FRAS1: variants seen among roughly 807,000 people sequenced by gnomAD.
FRAS1 encodes Fraser extracellular matrix complex subunit 1, also known as extracellular matrix organizing protein FRAS1.
FRAS1 carries 290 observed loss-of-function variants against 435.2 expected under a neutral mutation model. The ratio of observed to expected loss-of-function variants is 0.67; its 90% CI spans 0.61 to 0.73. The LOEUF (loss-of-function observed/expected upper bound fraction) is 0.73, where lower values mean the gene tolerates loss of function less well. Ranked by LOEUF, FRAS1 falls within the 30% of genes least tolerant of loss-of-function variation. FRAS1 has a pLI of 0.00. For synonymous variants in FRAS1, 1,800 were observed against 1,851.0 expected (o/e 0.97, Z 0.71); for missense variants, 4,860 against 5,001.5 (o/e 0.97, Z 0.85).
At chr4:78,534,706 CTCT>C in intron 71 of FRAS1, 91 bp downstream of exon 71, 1 of 1,168,108 alleles carries the variant, frequency 8.6e-7, no homozygotes, top group Non-Finnish European at 1.2e-6. Context: ...TGCTCATATG[CTCT>C]CAGTCACCAC....
intron 30 of FRAS1, among the ~76,000 whole-genome samples, chr4:78,403,431 C>T (rs1216089064): frequency 7.9e-4 from 121 of 152,214 alleles, no homozygotes; most frequent in East Asian, 1.9e-4. Context: ...AATCAAATCA[C>T]GTTACCTAGA....
intron 47 of FRAS1, among the ~76,000 whole-genome samples, chr4:78,458,526 A>G (rs1250101759): frequency 6.6e-6 from 1 of 152,166 alleles, no homozygotes; most frequent in African/African-American, 2.4e-5. Context: ...GCTTGGACAT[A>G]GAGATGGGAA....
chr4:78,295,379 G>A (rs1037933695), intron 14 of FRAS1, among the ~76,000 whole-genome samples: 14 of 152,304 alleles, frequency 9.2e-5, no homozygotes, highest in East Asian at 1.9e-4. Context: ...GTATAAGGGT[G>A]CCTACTTGCC....
chr4:78,175,017 C>T (rs1488875926), intron 2 of FRAS1, among the ~76,000 whole-genome samples: 1 of 152,196 alleles, frequency 6.6e-6, no homozygotes, highest in Non-Finnish European at 1.5e-5. Flanking sequence ...TTCATTATTG[C>T]ATCTCAGCAG....
intron 1 of FRAS1, among the ~76,000 whole-genome samples, chr4:78,065,081 T>TATATATATATATATACACAC (rs762909923): frequency 8.0e-6 from 1 of 125,692 alleles, no homozygotes; most frequent in East Asian, 2.3e-4. Context: ...TATATATATA[T>TATATATATATATATACACAC]ATACATACAC....
intron 15 of FRAS1, among the ~76,000 whole-genome samples, chr4:78,314,279 G>T (rs1032305994): frequency 1.3e-5 from 2 of 151,972 alleles, no homozygotes; most frequent in African/African-American, 4.8e-5. Context: ...TCCCTGGATT[G>T]TGCATGTTCC....
chr4:78,194,515 A>G (rs376916983), intron 2 of FRAS1, among the ~76,000 whole-genome samples: 1 of 152,038 alleles, frequency 6.6e-6, no homozygotes, highest in East Asian at 1.9e-4. Context: ...GCTTCATTTC[A>G]TTCATTTGAT....
chr4:78,509,937 G>A (rs1238339137), intron 63 of FRAS1, among the ~76,000 whole-genome samples: 1 of 152,176 alleles, frequency 6.6e-6, no homozygotes, highest in African/African-American at 2.4e-5. Context: ...TATTCCCACT[G>A]TAATAAGAGC....
At chr4:78,406,675 G>GACCAACATT (rs11281572) in intron 30 of FRAS1, among the ~76,000 whole-genome samples, 29,850 of 151,936 alleles carry the variant, frequency 0.2, 3,646 homozygotes, top group East Asian at 0.41. Context: ...CAAGAAAGAT[G>GACCAACATT]ATCTTTAAGC....
intron 2 of FRAS1, chr4:78,068,685 T>C (rs1232128984): frequency 7.1e-6 from 3 of 420,268 alleles, no homozygotes; most frequent in Non-Finnish European, 1.4e-5. Context: ...AAAGACTCCA[T>C]AGGGGTGAGT....
chr4:78,466,155 T>G, intron 49 of FRAS1, 53 bp from the exon 50 acceptor site: 1 of 1,488,864 alleles, frequency 6.7e-7, no homozygotes, highest in Non-Finnish European at 9.3e-7. Flanking sequence ...CACTCACTCT[T>G]TTGGTTTCTG....
At chr4:78,486,699 C>T (rs1197573283) in intron 58 of FRAS1, among the ~76,000 whole-genome samples, 1 of 152,114 alleles carries the variant, frequency 6.6e-6, no homozygotes, top group East Asian at 1.9e-4. Flanking sequence ...AAATCTCTTC[C>T]TGAAACTCCC....
In FRAS1 at chr4:78,369,950, G is replaced by A. The variant is rs137923783; in HGVS notation, c.2835G>A (p.Gln945=). 203 of 1,613,692 alleles carry A rather than the reference G, an allele frequency of 1.3e-4. No homozygotes were observed. Among genetic ancestry groups the A allele is most frequent in the South Asian group, 8.7e-4 (79 of 91,020 alleles). The part of the protein sequence containing the change: ...GECQYESCAP[Q]YYLDFSTNTC... ...GTCAATACGAGAGCTGCGCCCCACA[G>A]TACTATCTTGACTTCTCCACCAACA... Residue 945 remains glutamine, a synonymous_variant, in exon 23 of 74, where the codon CAG becomes CAA. Transcript: ENST00000512123.
chr4:78,443,438 C>T lies in FRAS1; in HGVS notation c.5666-2084C>T, dbSNP rs372056434. 4.7e-4 allele frequency among the ~76,000 whole-genome samples: 71 copies of T among 152,294 alleles called. 3 individuals are homozygous for T. The South Asian group carries it at 0.014, about 31-fold the overall frequency. ...TCTTTTTAAAAACTGTTAAAAGAAC[C>T]AGCTTTTACTTTTCACCAAGAAAAG... On this transcript the variant is annotated intron_variant, in intron 41 of 73. Transcript: ENST00000512123.
chr4:78,388,110 G>A (rs905167291), intron 29 of FRAS1, among the ~76,000 whole-genome samples: 3 of 151,918 alleles, frequency 2.0e-5, no homozygotes, highest in African/African-American at 7.3e-5. Flanking sequence ...TGGATCACGA[G>A]GTCAGGAGAT....
At chr4:78,083,302 T>A (rs1740980200) in intron 2 of FRAS1, among the ~76,000 whole-genome samples, 1 of 152,098 alleles carries the variant, frequency 6.6e-6, no homozygotes, top group African/African-American at 2.4e-5. Context: ...TGAAAGGAAG[T>A]CTGCTGCAGG....
intron 2 of FRAS1, among the ~76,000 whole-genome samples, chr4:78,169,531 C>T (rs1003599600): frequency 1.1e-4 from 16 of 152,076 alleles, no homozygotes; most frequent in African/African-American, 3.9e-4. Flanking sequence ...TAAGGTATTG[C>T]ATGAACATCA....
intron 43 of FRAS1, among the ~76,000 whole-genome samples, chr4:78,447,302 AAAC>A (rs1171318831): frequency 6.8e-6 from 1 of 147,994 alleles, no homozygotes; most frequent in East Asian, 2.0e-4. Flanking sequence ...AAAAAAAAAA[AAAC>A]ACTTTTCCTC....
chr4:78,158,979 T>C (rs1418434207), intron 2 of FRAS1, among the ~76,000 whole-genome samples: 1 of 152,194 alleles, frequency 6.6e-6, no homozygotes, highest in Non-Finnish European at 1.5e-5. Flanking sequence ...CTGTACCTCA[T>C]TGTCAATTAG....
Sources: gnomAD v4.1 joint callset for allele counts (sites outside exome capture counted in the v4.1 genomes callset) on GRCh38, gnomAD v4.1.1 for gene constraint, MANE v1.5 for transcripts, NCBI Gene and HGNC (gene_info 2026-07-23, HGNC 2026-07-21) for gene names.